The following ADGRF5 variants were observed in gnomAD, a reference collection of about 807,000 sequenced individuals.
The protein encoded by ADGRF5 is G-protein coupled receptor 116.
In ADGRF5, 75 loss-of-function variants were observed where a neutral mutation model predicts 132.3. That is an observed-to-expected ratio of 0.57 (90% CI 0.47 to 0.69). The LOEUF (loss-of-function observed/expected upper bound fraction) is 0.69. Ranked by LOEUF, ADGRF5 falls within the 30% of genes least tolerant of loss-of-function variation. The probability of loss-of-function intolerance (pLI) is 0.00; values close to 1 mark genes in which losing one functional copy is unlikely to be tolerated. For synonymous variants in ADGRF5, 629 were observed against 597.6 expected (o/e 1.05, Z -0.77); for missense variants, 1,516 against 1,630.6 (o/e 0.93, Z 1.21).
In ADGRF5 at chr6:46,883,592, G is replaced by A. The variant is rs1383220890; in HGVS notation, c.579C>T (p.Leu193=). The change falls in exon 6 of 21, where the codon CTC becomes CTT. Residue 193 remains leucine (L), a synonymous_variant. Coordinates refer to ENST00000283296, the MANE Select transcript of ADGRF5 (RefSeq NM_001098518.2). ...CCAAGTCGGTCTTGTAGGACCTATA[G>A]AGGGCGGAGGAAGTGTTCATGAGGT... The part of the protein sequence containing the change: ...QEDLMNTSSA[L]YRSYKTDLET... 3.7e-6 allele frequency: 6 copies of A among 1,609,146 alleles called. No homozygotes were observed. Among genetic ancestry groups the A allele is most frequent in the Non-Finnish European group, 4.2e-6 (5 of 1,177,936 alleles).
At chr6:46,901,412 C>T (rs762926133) in intron 2 of ADGRF5, among the ~76,000 whole-genome samples, 3 of 152,190 alleles carry the variant, frequency 2.0e-5, no homozygotes, top group African/African-American at 4.8e-5. Flanking sequence ...CTGAACTCCA[C>T]GCATCCATGA....
intron 14 of ADGRF5, 106 bp downstream of exon 14, chr6:46,864,936 G>A (rs1052894043): frequency 3.8e-5 from 29 of 757,916 alleles, no homozygotes; most frequent in East Asian, 5.1e-5. Context: ...ACCACAGTGA[G>A]GGTATTTAAC....
intron 4 of ADGRF5, chr6:46,887,973 T>G: frequency 6.2e-6 from 1 of 160,038 alleles, no homozygotes; most frequent in South Asian, 1.6e-4. Context: ...GTTGTGTCCA[T>G]TGATATACCA....
At chr6:46,953,649 G>GTGTA (rs56770844) in intron 1 of ADGRF5, among the ~76,000 whole-genome samples, 1 of 91,506 alleles carries the variant, frequency 1.1e-5, no homozygotes, top group Admixed American at 1.2e-4. Context: ...ATAGATATAT[G>GTGTA]TGTATATATA....
intron 5 of ADGRF5, 65 bp downstream of exon 5, chr6:46,884,030 C>T: frequency 7.7e-7 from 1 of 1,292,566 alleles, no homozygotes; most frequent in Non-Finnish European, 1.1e-6. Flanking sequence ...GCATGAGCCA[C>T]CATGCCCAGT....
chr6:46,899,872 G>T (rs1275735963), intron 3 of ADGRF5, among the ~76,000 whole-genome samples, 157 bp downstream of exon 3: 1 of 151,954 alleles, frequency 6.6e-6, no homozygotes, highest in Non-Finnish European at 1.5e-5. Context: ...GGTAGAGAAT[G>T]GAGTTTCCTA....
chr6:46,855,050 G>C (rs1229984558), intron 20 of ADGRF5, among the ~76,000 whole-genome samples: 2 of 152,128 alleles, frequency 1.3e-5, no homozygotes, highest in African/African-American at 4.8e-5. Flanking sequence ...AGAAATCCTG[G>C]GGCTTATTTT....
intron 1 of ADGRF5, among the ~76,000 whole-genome samples, chr6:46,907,503 C>A (rs889661984): frequency 1.3e-5 from 2 of 151,948 alleles, no homozygotes; most frequent in Non-Finnish European, 2.9e-5. Flanking sequence ...TCATGCCTGG[C>A]CTTATGTGTT....
At chr6:46,954,312 A>T (rs1778641615) in intron 1 of ADGRF5, among the ~76,000 whole-genome samples, 1 of 152,064 alleles carries the variant, frequency 6.6e-6, no homozygotes, top group Admixed American at 6.6e-5. Context: ...CTGTTAGCAA[A>T]TTCTCTGTCA....
At chr6:46,948,475 AGTGTGTGTGT>A (rs3030417) in intron 1 of ADGRF5, among the ~76,000 whole-genome samples, 21,060 of 143,300 alleles carry the variant, frequency 0.15, 1,634 homozygotes, top group Admixed American at 0.23. Context: ...TGCTCTAGTG[AGTGTGTGTGT>A]GTGTGTGTGT....
chr6:46,868,745 C>T (rs778424667), intron 12 of ADGRF5, 138 bp downstream of exon 12: 21 of 609,264 alleles, frequency 3.4e-5, no homozygotes, highest in African/African-American at 2.0e-4. Flanking sequence ...AGGAATGTTG[C>T]GTTAAGTGTG....
intron 3 of ADGRF5, among the ~76,000 whole-genome samples, chr6:46,898,884 T>A (rs949642598): frequency 6.6e-6 from 1 of 152,152 alleles, no homozygotes; most frequent in African/African-American, 2.4e-5. Flanking sequence ...CGTTTTCCGA[T>A]AGGAATTCAG....
At chr6:46,894,771 A>G (rs1773999439) in intron 3 of ADGRF5, among the ~76,000 whole-genome samples, 1 of 152,256 alleles carries the variant, frequency 6.6e-6, no homozygotes, top group South Asian at 2.1e-4. Context: ...GGAATCCTAC[A>G]TGAAAACCCC....
At chr6:46,870,416 T>C (rs1437675190) in intron 11 of ADGRF5, among the ~76,000 whole-genome samples, 1 of 152,160 alleles carries the variant, frequency 6.6e-6, no homozygotes, top group Non-Finnish European at 1.5e-5. Context: ...CACCTTGGCC[T>C]CCCAAAGTGC....
At chr6:46,912,486 G>A (rs1036576484) in intron 1 of ADGRF5, among the ~76,000 whole-genome samples, 1 of 152,072 alleles carries the variant, frequency 6.6e-6, no homozygotes, top group East Asian at 1.9e-4. Context: ...GCAGGTGAAG[G>A]GTACGAGGCA....
At position 46,916,463 on chromosome 6, in the gene ADGRF5, C is replaced by T. The variant is rs115858801; in HGVS notation, c.-25+5250G>A. 1.0e-3 allele frequency among the ~76,000 whole-genome samples: 153 copies of T among 152,308 alleles called. 1 individual carries two copies. The highest frequency in any genetic ancestry group is 3.5e-3 in the African/African-American group (146 of 41,560). ...GCAGGAGCAGAAGCAGCAATTCGACCGGGTACTAAGTCCTGTTACCTGCTG... is the reference window on the plus strand; with the variant it reads ...GCAGGAGCAGAAGCAGCAATTCGACTGGGTACTAAGTCCTGTTACCTGCTG... On this transcript the variant is annotated intron_variant, in intron 1 of 20. Transcript: ENST00000283296.
At chr6:46,911,536 T>C (rs1259804911) in intron 1 of ADGRF5, among the ~76,000 whole-genome samples, 1 of 152,212 alleles carries the variant, frequency 6.6e-6, no homozygotes, top group East Asian at 1.9e-4. Context: ...ATATTCAGAT[T>C]CTACCCATCC....
At chr6:46,877,334 T>TTC (rs1771903866) in intron 10 of ADGRF5, among the ~76,000 whole-genome samples, 1 of 83,522 alleles carries the variant, frequency 1.2e-5, no homozygotes, top group African/African-American at 8.3e-5. Context: ...TCTTTCTTTC[T>TTC]TTCTTTCTTT....
chr6:46,900,164 A>G (rs1457291102), intron 2 of ADGRF5, 81 bp from the exon 3 acceptor site: 3 of 890,272 alleles, frequency 3.4e-6, no homozygotes, highest in Non-Finnish European at 5.3e-6. Context: ...ATACCCCTAA[A>G]TGTTGGAGCT....
Sources: gnomAD v4.1 joint callset for allele counts (sites outside exome capture counted in the v4.1 genomes callset) on GRCh38, gnomAD v4.1.1 for gene constraint, MANE v1.5 for transcripts, NCBI Gene and HGNC (gene_info 2026-07-23, HGNC 2026-07-21) for gene names.